Variants in SBNO2 observed in about 807,000 individuals in gnomAD.
The protein encoded by SBNO2 is protein strawberry notch homolog 2.
SBNO2 carries 89 observed loss-of-function variants against 146.3 expected under a neutral mutation model. The observed-to-expected ratio is 0.61, with a 90% CI of 0.51 to 0.73. SBNO2 has a LOEUF of 0.73. Ranked by LOEUF, SBNO2 falls within the 30% of genes least tolerant of loss-of-function variation. SBNO2 has a pLI of 0.00. For synonymous variants in SBNO2, 1,147 were observed against 892.6 expected, an observed-to-expected ratio of 1.29 and a Z score of -5.08; for missense variants, 2,092 against 2,003.7, an observed-to-expected ratio of 1.04 and a Z score of -0.84.
intron 3 of SBNO2, 84 bp downstream of exon 3, chr19:1,149,285 G>A (rs1022905527): frequency 2.1e-5 from 28 of 1,307,020 alleles, no homozygotes; most frequent in East Asian, 1.3e-4. Flanking sequence ...GGGCCCTCGC[G>A]CCCTGCACCC....
Position 1,117,331 on chromosome 19 carries a change from G to C in SBNO2, c.1696C>G (p.Arg566Gly), listed in dbSNP as rs182197902. ...AGGCCGCAGCCGCTCACCTTGTCTC[G>C]CGCCAGCTCCTCTCGGGCCAGCTCC... ...LVELAREELA[R>G]DKCVVIGLQS... The change falls in exon 15 of 32, where the codon CGA becomes GGA. Residue 566 changes from arginine (R) to glycine (G), a missense_variant. Arg to Gly is a moderately radical substitution (Grantham distance 125). Coordinates refer to ENST00000361757, the MANE Select transcript of SBNO2 (RefSeq NM_014963.3). 8 of 1,566,150 alleles carry C rather than the reference G, an allele frequency of 5.1e-6. No homozygotes were observed. Among genetic ancestry groups the C allele is most frequent in the Non-Finnish European group, 6.9e-6 (8 of 1,156,884 alleles).
intron 5 of SBNO2, among the ~76,000 whole-genome samples, chr19:1,127,227 C>T (rs1009203679): frequency 6.6e-6 from 1 of 152,214 alleles, no homozygotes; most frequent in African/African-American, 2.4e-5. Flanking sequence ...CTTCTCTGTC[C>T]CGTCACCTTC....
In SBNO2 at chr19:1,136,999, G is replaced by A. The variant is rs1417031466; in HGVS notation, c.280-9234C>T. ...GGGCAGCACCTGGGGAATGGGGATG[G>A]GCTGTGGGTGCCGAGAGCCCCAGGA... On this transcript the variant is annotated intron_variant, in intron 4 of 31. Transcript: ENST00000361757. The surrounding 1 kb of genome is among the most constrained non-coding windows in gnomAD (Gnocchi z 4.2). 2.6e-5 allele frequency among the ~76,000 whole-genome samples: 4 copies of A among 151,376 alleles called. No individual in the cohort carries two copies. Among genetic ancestry groups the A allele is most frequent in the Non-Finnish European group, 5.9e-5 (4 of 67,900 alleles).
chr19:1,112,665 G>C lies in SBNO2; in HGVS notation c.2380-128C>G, dbSNP rs557576811. On this transcript the variant is annotated intron_variant, in intron 20 of 31. Transcript: ENST00000361757. This position sits in a 1 kb window ranked among gnomAD's most constrained non-coding sequence, Gnocchi z 5.9. The stretch of plus-strand genomic sequence containing the variant: ...TCCCGGGGCAGCGAGAGGCCTGCGG[G>C]GCGCGGACACCACCCGCCACACGGC... 3 of 1,439,686 alleles carry C rather than the reference G, an allele frequency of 2.1e-6. No individual in the cohort carries two copies. In the South Asian group the frequency reaches 4.2e-5, roughly 20 times the overall value. 89.2% of individuals were successfully genotyped at this position (1,439,686 alleles called of 1,614,324 possible). A position where few individuals can be genotyped will look rare whatever the true frequency, so the allele number is the denominator to read the frequency against.
Position 1,111,025 on chromosome 19 carries a change from C to T in SBNO2, c.2878G>A (p.Glu960Lys). The T allele has an allele frequency of 6.3e-7, 1 of 1,584,938 alleles. No homozygotes were observed. The highest frequency in any genetic ancestry group is 8.6e-7 in the Non-Finnish European group (1 of 1,166,420). ...RESRNGCLDV[E>K]KDCSITKFLN... ...CTGGGTGTGGGGCACTCACCCTTCT[C>T]CACGTCCAGGCAGCCATTCCGGGAC... is the stretch of plus-strand genomic sequence containing the variant. Residue 960 changes from glutamate (E) to lysine (K), a missense_variant, in exon 25 of 32, where the codon GAG (glutamate) becomes AAG (lysine). Glu to Lys is a moderately conservative substitution (Grantham distance 56). Transcript: ENST00000361757.
chr19:1,110,201 G>A lies in SBNO2; in HGVS notation c.3029-424C>T, dbSNP rs1259963673. On this transcript the variant is annotated intron_variant, in intron 26 of 31. Coordinates refer to ENST00000361757, the MANE Select transcript of SBNO2 (RefSeq NM_014963.3). The surrounding 1 kb of genome is among the most constrained non-coding windows in gnomAD (Gnocchi z 4.9). ...TGGGAGCCTGGTTGGCTGCGGCACT[G>A]CTCATGAGTGAAGTAGCCATGGCCC... is the stretch of plus-strand genomic sequence containing the variant. Among the ~76,000 whole-genome samples the A allele has an allele frequency of 1.3e-5, 2 of 152,120 alleles. No homozygotes were observed. The highest frequency in any genetic ancestry group is 2.9e-5 in the Non-Finnish European group (2 of 67,990).
At chr19:1,162,545 C>G (rs2080359096) in intron 1 of SBNO2, among the ~76,000 whole-genome samples, 3 of 151,908 alleles carry the variant, frequency 2.0e-5, no homozygotes, top group South Asian at 4.1e-4. Context: ...CTCACCCATA[C>G]GAGCCTGCCA....
At chr19:1,147,782 C>A (rs542080782) in intron 3 of SBNO2, among the ~76,000 whole-genome samples, 1 of 152,226 alleles carries the variant, frequency 6.6e-6, no homozygotes, top group East Asian at 1.9e-4. Context: ...CCCTCCCCCA[C>A]ACACAGGCCC....
intron 1 of SBNO2, among the ~76,000 whole-genome samples, chr19:1,167,409 C>T (rs1187764768): frequency 2.0e-5 from 3 of 152,220 alleles, no homozygotes; most frequent in African/African-American, 7.2e-5. Flanking sequence ...GTCCTGGGCC[C>T]TGGTCTGGGT....
chr19:1,112,503 C>T lies in SBNO2; in HGVS notation c.2414G>A (p.Gly805Asp). 1 of 1,605,420 alleles carries T rather than the reference C, an allele frequency of 6.2e-7. No individual in the cohort carries two copies. Among genetic ancestry groups the T allele is most frequent in the Middle Eastern group, 1.8e-4 (1 of 5,520 alleles). ...VAIISEASSSGVSLQADRRVQ... is the reference protein window; with the variant it reads ...VAIISEASSSDVSLQADRRVQ... ...ACGGCGGTCGGCTTGGAGGGAGACA[C>T]CCGAGCTGGAGGCCTCCGAGATGAT... The change falls in exon 21 of 32, where the codon GGT becomes GAT. Residue 805 changes from glycine (G) to aspartate (D), a missense_variant. Physicochemically the swap from Gly to Asp is moderately conservative, Grantham distance 94 (BLOSUM62 -1). Coordinates refer to ENST00000361757, the MANE Select transcript of SBNO2 (RefSeq NM_014963.3). This position sits in a 1 kb window ranked among gnomAD's most constrained non-coding sequence, Gnocchi z 5.9.
In SBNO2 at chr19:1,123,061, C is replaced by A. The variant is rs754047423; in HGVS notation, c.629-16G>T. 1 of 1,589,784 alleles carries A rather than the reference C, an allele frequency of 6.3e-7. No individual in the cohort carries two copies. Among genetic ancestry groups the A allele is most frequent in the Admixed American group, 1.8e-5 (1 of 56,362 alleles). On this transcript the variant is annotated splice_polypyrimidine_tract_variant and intron_variant, in intron 7 of 31. Transcript: ENST00000361757. ...CCGATCTTGGCTGGAGGAGCAAGGA[C>A]GGAGGGCAAGGTAAAGGGTATGGCC...
intron 1 of SBNO2, among the ~76,000 whole-genome samples, chr19:1,163,044 C>T (rs551372040): frequency 1.1e-3 from 162 of 152,264 alleles, no homozygotes; most frequent in African/African-American, 3.6e-3. Flanking sequence ...TGGTAAGTGA[C>T]GATTTGGAGG....
chr19:1,169,345 T>C (rs2080456193), intron 1 of SBNO2, among the ~76,000 whole-genome samples: 1 of 152,236 alleles, frequency 6.6e-6, no homozygotes, highest in Non-Finnish European at 1.5e-5. Flanking sequence ...GGCCCCAGGC[T>C]GAGGCCTCCG....
In SBNO2 at chr19:1,112,810, C is replaced by A; in HGVS notation, c.2379+8G>T. On this transcript the variant is annotated splice_region_variant and intron_variant, in intron 20 of 31. Coordinates refer to ENST00000361757, the MANE Select transcript of SBNO2 (RefSeq NM_014963.3). The surrounding 1 kb of genome is among the most constrained non-coding windows in gnomAD (Gnocchi z 5.9). Reference sequence around the variant, plus strand: ...GTGGGCCGCGCCCAGTGCACTGCAGCCCCGCACCTTCTCGCCGCTCATGAA... The same window carrying A: ...GTGGGCCGCGCCCAGTGCACTGCAGACCCGCACCTTCTCGCCGCTCATGAA... 2 of 1,565,294 alleles carry A rather than the reference C, an allele frequency of 1.3e-6. No individual in the cohort carries two copies. The highest frequency in any genetic ancestry group is 2.4e-5 in the East Asian group (1 of 41,996).
intron 2 of SBNO2, among the ~76,000 whole-genome samples, chr19:1,151,830 CTT>C (rs903434567): frequency 6.6e-6 from 1 of 152,100 alleles, no homozygotes; most frequent in African/African-American, 2.4e-5. Context: ...GCCCAGCTAA[CTT>C]TTGTATTTTT....
chr19:1,113,095 C>T lies in SBNO2; in HGVS notation c.2248-146G>A, dbSNP rs1447012017. ...GGTGGGGGTGCTGGGAAAGGGAGGG[C>T]GGGACTGCTGGACCCAGGCGATGTG... On this transcript the variant is annotated intron_variant, in intron 19 of 31. Coordinates refer to ENST00000361757, the MANE Select transcript of SBNO2 (RefSeq NM_014963.3). The T allele has an allele frequency of 3.7e-5, 34 of 930,870 alleles. No individual in the cohort carries two copies. The Admixed American group carries it at 8.1e-4, about 22-fold the overall frequency. 57.7% of individuals were successfully genotyped at this position (930,870 alleles called of 1,614,324 possible).
At chr19:1,117,224 C>G in intron 15 of SBNO2, 99 bp downstream of exon 15, 1 of 1,259,880 alleles carries the variant, frequency 7.9e-7, no homozygotes, top group South Asian at 1.5e-5. Flanking sequence ...GCAGCCCCCG[C>G]CCACGTCTGG....
chr19:1,146,729 TG>T (rs1490959857), intron 4 of SBNO2, among the ~76,000 whole-genome samples: 6 of 87,898 alleles, frequency 6.8e-5, no homozygotes, highest in African/African-American at 1.9e-4. Flanking sequence ...AGGGTGGGGG[TG>T]GGGTCCGCCT....
In SBNO2 at chr19:1,150,849, G is replaced by C. The variant is rs1236348196; in HGVS notation, c.94-1407C>G. On this transcript the variant is annotated intron_variant, in intron 2 of 31. Transcript: ENST00000361757. This position sits in a 1 kb window ranked among gnomAD's most constrained non-coding sequence, Gnocchi z 6.2. Reference sequence around the variant, plus strand: ...CGCAGGTGCTGGGTGGGGGATTCCAGGACCCCCGACAGCCTCGAGATAGGC... The same window carrying C: ...CGCAGGTGCTGGGTGGGGGATTCCACGACCCCCGACAGCCTCGAGATAGGC... 6.6e-6 allele frequency among the ~76,000 whole-genome samples: 1 copy of C among 152,204 alleles called. No individual in the cohort carries two copies. The highest frequency in any genetic ancestry group is 6.5e-5 in the Admixed American group (1 of 15,282).
Sources: allele counts gnomAD v4.1 joint callset (sites outside exome capture counted in the v4.1 genomes callset), GRCh38; gene constraint gnomAD v4.1.1; non-coding constraint Gnocchi (gnomAD v3.1); transcripts MANE v1.5; gene names NCBI Gene and HGNC (gene_info 2026-07-23, HGNC 2026-07-21).